The following COG3 variants were observed in gnomAD, a reference collection of about 807,000 sequenced individuals.
COG3 encodes the protein component of oligomeric golgi complex 3, also known as conserved oligomeric Golgi complex subunit 3.
A neutral mutation model predicts 114.1 loss-of-function variants in COG3; 32 were observed. The ratio of observed to expected loss-of-function variants is 0.28; its 90% CI spans 0.21 to 0.38. The LOEUF is 0.38. COG3 is among the 10% of genes least tolerant of loss of function. The pLI is 1.00. For missense variants in COG3, 813 were observed against 973.2 expected, an observed-to-expected ratio of 0.84 and a Z score of 2.19; for synonymous variants, 352 against 365.7, an observed-to-expected ratio of 0.96 and a Z score of 0.43.
At position 45,535,081 on chromosome 13, in the gene COG3, T is replaced by C; in HGVS notation, c.*350T>C. 9.5e-7 allele frequency: 1 copy of C among 1,054,044 alleles called. No homozygotes were observed. Among genetic ancestry groups the C allele is most frequent in the African/African-American group, 1.7e-5 (1 of 59,954 alleles). 65.3% of individuals were successfully genotyped at this position (1,054,044 alleles called of 1,614,324 possible). ...TTACAATAAGTAGTGCAAAGAACTT[T>C]ACAGAAATCAAGCGAATTAGAAGGC... On this transcript the variant is annotated 3_prime_UTR_variant, in exon 23 of 23. Transcript: ENST00000349995.
At chr13:45,525,124 G>C in intron 20 of COG3, 73 bp downstream of exon 20, 1 of 1,248,954 alleles carries the variant, frequency 8.0e-7, no homozygotes, top group South Asian at 1.3e-5. Flanking sequence ...TCCTTACTGT[G>C]ACAGCTTGGA....
intron 19 of COG3, among the ~76,000 whole-genome samples, chr13:45,519,532 T>C (rs959153608): frequency 2.0e-5 from 3 of 152,224 alleles, no homozygotes; most frequent in Non-Finnish European, 2.9e-5. Flanking sequence ...CATGGATAAT[T>C]GAGAACTGAA....
intron 19 of COG3, among the ~76,000 whole-genome samples, chr13:45,522,510 T>C (rs1375682902): frequency 6.6e-6 from 1 of 152,206 alleles, no homozygotes; most frequent in African/African-American, 2.4e-5. Context: ...GCATCTTTAT[T>C]TGACAGGTTG....
intron 14 of COG3, among the ~76,000 whole-genome samples, chr13:45,508,788 T>G (rs1870528191): frequency 6.6e-6 from 1 of 152,180 alleles, no homozygotes; most frequent in Non-Finnish European, 1.5e-5. Context: ...CCCCACCTGC[T>G]CTTCCTCACA....
At chr13:45,477,517 A>C (rs1395446495) in intron 2 of COG3, among the ~76,000 whole-genome samples, 1 of 152,134 alleles carries the variant, frequency 6.6e-6, no homozygotes, top group African/African-American at 2.4e-5. Context: ...CATCACCCCA[A>C]AAGTTTCTTC....
At chr13:45,486,596 A>G in intron 8 of COG3, 21 bp downstream of exon 8, 1 of 1,423,060 alleles carries the variant, frequency 7.0e-7, no homozygotes, top group Non-Finnish European at 9.9e-7. Context: ...TGACATAACT[A>G]GGACATTGCT....
At chr13:45,482,058 C>T (rs1350297529) in intron 5 of COG3, among the ~76,000 whole-genome samples, 1 of 151,902 alleles carries the variant, frequency 6.6e-6, no homozygotes, top group Non-Finnish European at 1.5e-5. Context: ...ATATTGTATA[C>T]CAGAAAGTGA....
chr13:45,525,634 G>GTTTTTTT (rs59577529), intron 20 of COG3, among the ~76,000 whole-genome samples: 1,690 of 56,544 alleles, frequency 0.03, 81 homozygotes, highest in South Asian at 0.044. Flanking sequence ...AGGGCTTTGG[G>GTTTTTTT]TTTTTTTTTT....
intron 10 of COG3, 83 bp from the exon 11 acceptor site, chr13:45,492,076 A>G: frequency 2.4e-6 from 2 of 821,254 alleles, no homozygotes; most frequent in Non-Finnish European, 3.9e-6. Flanking sequence ...TTATCTCTGC[A>G]CATAAAGTGT....
At position 45,486,485 on chromosome 13, in the gene COG3, G is replaced by T. The variant is rs747493014; in HGVS notation, c.844-10G>T. ...ATCTTCCTTCCTTATCCTCCCCCAT[G>T]TTTCTTTAGGATCCTTCATCTGTAC... On this transcript the variant is annotated splice_polypyrimidine_tract_variant and intron_variant, in intron 7 of 22. Transcript: ENST00000349995. 1.9e-6 allele frequency: 3 copies of T among 1,560,436 alleles called. No individual in the cohort carries two copies. Among genetic ancestry groups the T allele is most frequent in the African/African-American group, 2.7e-5 (2 of 73,684 alleles).
intron 13 of COG3, among the ~76,000 whole-genome samples, chr13:45,497,977 G>GA (rs1367299279): frequency 6.6e-6 from 1 of 152,092 alleles, no homozygotes; most frequent in Non-Finnish European, 1.5e-5. Flanking sequence ...GAATTAAAAA[G>GA]AAACTTTCAG....
chr13:45,483,426 TTTGG>T, intron 7 of COG3, 71 bp downstream of exon 7: 1 of 1,312,842 alleles, frequency 7.6e-7, no homozygotes, highest in Non-Finnish European at 1.0e-6. Context: ...TTCCATAATC[TTTGG>T]CTGAGATTAG....
chr13:45,525,633 G>GTTTTTTTTTTTTTT lies in COG3; in HGVS notation c.2230+582_2230+583insTTTTTTTTTTTTTT, dbSNP rs1566273037. Among the ~76,000 whole-genome samples the GTTTTTTTTTTTTTT allele has an allele frequency of 1.4e-3, 20 of 13,918 alleles. 1 individual carries two copies. The highest frequency in any genetic ancestry group is 6.5e-3 in the African/African-American group (18 of 2,766). 9.1% of individuals were successfully genotyped at this position (13,918 alleles called of 152,430 possible). ...AATTTTTTTGTGCTGGAGGGCTTTG[G>GTTTTTTTTTTTTTT]GTTTTTTTTTTTTTTTTTTGGTCTT... On this transcript the variant is annotated intron_variant, in intron 20 of 22. Coordinates refer to ENST00000349995, the MANE Select transcript of COG3 (RefSeq NM_031431.4).
chr13:45,530,786 G>A lies in COG3; in HGVS notation c.2457+6G>A. 1.2e-6 allele frequency: 2 copies of A among 1,608,420 alleles called. No individual in the cohort carries two copies. Among genetic ancestry groups the A allele is most frequent in the Non-Finnish European group, 1.7e-6 (2 of 1,175,112 alleles). ...CCTGTCCATCTATGGAACAGGTAAT[G>A]GGTAGACTGAAGATCCTTATTACTT... On this transcript the variant is annotated splice_donor_region_variant and intron_variant, in intron 22 of 22. Coordinates refer to ENST00000349995, the MANE Select transcript of COG3 (RefSeq NM_031431.4).
At chr13:45,486,171 C>G (rs1182451138) in intron 7 of COG3, among the ~76,000 whole-genome samples, 1 of 144,442 alleles carries the variant, frequency 6.9e-6, no homozygotes, top group East Asian at 2.0e-4. Context: ...CGTGGCGGTG[C>G]GTGCCTGCAA....
intron 14 of COG3, among the ~76,000 whole-genome samples, chr13:45,509,079 G>T (rs1477407768): frequency 1.4e-5 from 2 of 142,876 alleles, no homozygotes; most frequent in African/African-American, 5.2e-5. Flanking sequence ...TCACTTTGTT[G>T]CCCAGGCTGG....
At position 45,493,334 on chromosome 13, in the gene COG3, T is replaced by C; in HGVS notation, c.1188-13T>C. 6.3e-7 allele frequency: 1 copy of C among 1,599,864 alleles called. No homozygotes were observed. Among genetic ancestry groups the C allele is most frequent in the Non-Finnish European group, 8.5e-7 (1 of 1,172,928 alleles). ...AACTACTACTAATAGACATTTTTAT[T>C]CTTTCATTTTAGTGAGCTTTTGGAG... is the stretch of plus-strand genomic sequence containing the variant. On this transcript the variant is annotated splice_polypyrimidine_tract_variant and intron_variant, in intron 11 of 22. Transcript: ENST00000349995.
intron 11 of COG3, 30 bp from the exon 12 acceptor site, chr13:45,493,317 C>T (rs2137832821): frequency 6.4e-7 from 1 of 1,574,552 alleles, no homozygotes. Flanking sequence ...AAAACTACTA[C>T]TAATAGACAT....
chr13:45,491,632 C>CTGT, intron 10 of COG3, 94 bp downstream of exon 10: 1 of 1,191,638 alleles, frequency 8.4e-7, no homozygotes, highest in Non-Finnish European at 1.1e-6. Flanking sequence ...AGATTTGGGG[C>CTGT]CCATAGTTAA....
Sources: allele counts gnomAD v4.1 joint callset (sites outside exome capture counted in the v4.1 genomes callset), GRCh38; gene constraint gnomAD v4.1.1; transcripts MANE v1.5; gene names NCBI Gene and HGNC (gene_info 2026-07-23, HGNC 2026-07-21).